GPS1: variants seen among roughly 807,000 people sequenced by gnomAD.
GPS1 encodes G protein pathway suppressor 1, also known as COP9 signalosome complex subunit 1.
In GPS1, 11 loss-of-function variants were observed where a neutral mutation model predicts 60.0. The observed-to-expected ratio is 0.18, with a 90% CI of 0.12 to 0.30. The LOEUF is 0.30. Among genes scored for constraint, GPS1 ranks in the 10% least tolerant of loss-of-function variants. The pLI is 1.00. For missense variants in GPS1, 543 were observed against 669.2 expected (o/e 0.81, Z 2.08); for synonymous variants, 343 against 269.8 (o/e 1.27, Z -2.66).
chr17:82,050,934 G>A (rs2030443490), upstream of GPS1: 10 of 1,415,486 alleles, frequency 7.1e-6, no homozygotes, highest in South Asian at 1.2e-4. Flanking sequence ...GACCCTGCTG[G>A]TGCCACCGAG....
chr17:82,054,106 T>C, intron 3 of GPS1, 57 bp downstream of exon 3: 1 of 1,520,628 alleles, frequency 6.6e-7, no homozygotes, highest in African/African-American at 1.4e-5. Context: ...CGCGGGTGTC[T>C]GGGACTGGGC....
chr17:82,052,047 G>A, intron 1 of GPS1, 83 bp downstream of exon 1: 1 of 1,042,870 alleles, frequency 9.6e-7, no homozygotes, highest in Non-Finnish European at 1.2e-6. Context: ...CAGGGGCGCG[G>A]GGCCTGCGCC....
Position 82,057,093 on chromosome 17 carries a change from C to T in GPS1, c.1430C>T (p.Ala477Val). 1 of 1,577,684 alleles carries T rather than the reference C, an allele frequency of 6.3e-7. No individual in the cohort carries two copies. Among genetic ancestry groups the T allele is most frequent in the Non-Finnish European group, 8.6e-7 (1 of 1,159,700 alleles). The change falls in exon 13 of 13, where the codon GCC (alanine) becomes GTC (valine). Residue 477 changes from alanine to valine, a missense_variant. Physicochemically the swap from Ala to Val is moderately conservative, Grantham distance 64 (BLOSUM62 0). Transcript: ENST00000578552. The part of the protein sequence containing the change: ...REGSQGELTP[A>V]NSQSRMSTNM ...GGGAGCCAGGGGGAGCTGACTCCAG[C>T]CAACAGCCAGTCCCGGATGAGCACC...
rs1288538913 is a variant in GPS1 at position 82,056,852 on chromosome 17, C to T, written c.1267C>T (p.Arg423Trp). Residue 423 changes from arginine (R) to tryptophan (W), a missense_variant, in exon 12 of 13, where the codon CGG becomes TGG. Around this residue, in one of 3 missense-constraint regions of GPS1, gnomAD observed 291 missense variants for 353.7 expected, o/e 0.82. Coordinates refer to ENST00000578552, the MANE Select transcript of GPS1 (RefSeq NM_001321092.3). ...TGTGCCTGCACAGATCCTATACGCC[C>T]GGGACGTGGATCAGCGCAGCACCAC... ...VDSHSKILYA[R>W]DVDQRSTTFE... The T allele has an allele frequency of 6.2e-7, 1 of 1,612,534 alleles. No homozygotes were observed.
chr17:82,056,603 G>A, intron 10 of GPS1, 26 bp from the exon 11 acceptor site: 1 of 1,612,330 alleles, frequency 6.2e-7, no homozygotes, highest in Non-Finnish European at 8.5e-7. Flanking sequence ...AGGGGGCTGT[G>A]GAGCTGACTT....
intron 3 of GPS1, 200 bp from the exon 4 acceptor site, chr17:82,054,310 C>A: frequency 1.2e-6 from 1 of 826,440 alleles, no homozygotes; most frequent in East Asian, 2.7e-5. Flanking sequence ...GTTTCCCCAC[C>A]CGGCTGTAGG....
At chr17:82,056,224 C>T in intron 8 of GPS1, 62 bp from the exon 9 acceptor site, 2 of 1,380,358 alleles carry the variant, frequency 1.4e-6, no homozygotes, top group Non-Finnish European at 2.1e-6. Flanking sequence ...ACTGGTGTCC[C>T]ACTGGCCACT....
rs751103779 is a variant in GPS1 at position 82,057,363 on chromosome 17, CTG to C, written c.*239_*240del. On this transcript the variant is annotated 3_prime_UTR_variant, in exon 13 of 13. Transcript: ENST00000578552. Reference sequence around the variant, plus strand: ...TGGGTTTCTGTCCCCAGGGAGCAGACTGTGCGGCACCCAGGCCCAGTGGCACC... The same window carrying C: ...TGGGTTTCTGTCCCCAGGGAGCAGACTGCGGCACCCAGGCCCAGTGGCACC... The C allele has an allele frequency of 4.7e-5, 33 of 695,274 alleles. No individual in the cohort carries two copies. The highest frequency in any genetic ancestry group is 7.3e-5 in the Non-Finnish European group (28 of 382,038). 43.1% of individuals were successfully genotyped at this position (695,274 alleles called of 1,614,324 possible). A position where few individuals can be genotyped will look rare whatever the true frequency, so the allele number is the denominator to read the frequency against.
Position 82,056,731 on chromosome 17 carries a change from G to T in GPS1, c.1219G>T (p.Gly407Trp). ...EDELTQLILEGLISARVDSHS... is the reference protein window; with the variant it reads ...EDELTQLILEWLISARVDSHS... ...CGAGCTGACGCAGCTAATCCTGGAG[G>T]GGCTGATCAGTGCCCGTGTGGACTC... The change falls in exon 11 of 13, where the codon GGG becomes TGG. Residue 407 changes from glycine (G) to tryptophan (W), a missense_variant. By Grantham distance (184) the Gly-to-Trp change is radical (BLOSUM62 -2). Coordinates refer to ENST00000578552, the MANE Select transcript of GPS1 (RefSeq NM_001321092.3). The T allele has an allele frequency of 6.3e-7, 1 of 1,587,082 alleles. No homozygotes were observed. Among genetic ancestry groups the T allele is most frequent in the African/African-American group, 1.3e-5 (1 of 74,776 alleles).
chr17:82,051,860 G>A (rs1237279394), upstream of GPS1: 6 of 1,150,408 alleles, frequency 5.2e-6, no homozygotes, highest in South Asian at 4.0e-5. This position sits in a 1 kb window ranked among gnomAD's most constrained non-coding sequence, Gnocchi z 4.1. Context: ...GCCCCGCCCC[G>A]CCCCGCGCCC....
chr17:82,055,934 C>A, intron 7 of GPS1, 67 bp from the exon 8 acceptor site: 3 of 1,439,704 alleles, frequency 2.1e-6, no homozygotes, highest in Non-Finnish European at 1.9e-6. Flanking sequence ...ATTCTCCGAG[C>A]GGGTGATGGG....
rs184414541 is a variant in GPS1, at chr17:82,057,190, C to T, written c.*63C>T. ...CCCCACCTCCACGGACCTCGGACCTCCAGGCGGCTCAGTGCTGCCTGCGGC... is the reference window on the plus strand; with the variant it reads ...CCCCACCTCCACGGACCTCGGACCTTCAGGCGGCTCAGTGCTGCCTGCGGC... On this transcript the variant is annotated 3_prime_UTR_variant, in exon 13 of 13. Coordinates refer to ENST00000578552, the MANE Select transcript of GPS1 (RefSeq NM_001321092.3). 13 of 1,578,080 alleles carry T rather than the reference C, an allele frequency of 8.2e-6. No homozygotes were observed. The African/African-American group carries it at 1.5e-4, about 18-fold the overall frequency.
Position 82,051,904 on chromosome 17 carries a change from C to G in GPS1, c.-28C>G. The G allele has an allele frequency of 2.6e-6, 3 of 1,158,536 alleles. No individual in the cohort carries two copies. The highest frequency in any genetic ancestry group is 2.1e-6 in the Non-Finnish European group (2 of 939,820). The allele number at this position is 1,158,536 out of a possible 1,614,324, so 71.8% of individuals were successfully genotyped here. A position where few individuals can be genotyped will look rare whatever the true frequency, so the allele number is the denominator to read the frequency against. ...ACGGCTTCGCTGCCCCGGAAGTGGA[C>G]GGCACGCCGCGGCGGGGTGGGTGCA... On this transcript the variant is annotated 5_prime_UTR_variant, in exon 1 of 13. Coordinates refer to ENST00000578552, the MANE Select transcript of GPS1 (RefSeq NM_001321092.3). The surrounding 1 kb of genome is among the most constrained non-coding windows in gnomAD (Gnocchi z 4.1).
intron 3 of GPS1, 42 bp from the exon 4 acceptor site, chr17:82,054,468 C>A: frequency 6.9e-7 from 1 of 1,453,040 alleles, no homozygotes; most frequent in East Asian, 2.4e-5. Flanking sequence ...CCTCCCTGGC[C>A]CCCGTGACCG....
chr17:82,051,749 C>T (rs1255891950), upstream of GPS1: 5 of 1,084,140 alleles, frequency 4.6e-6, no homozygotes, highest in Non-Finnish European at 5.6e-6. This position sits in a 1 kb window ranked among gnomAD's most constrained non-coding sequence, Gnocchi z 4.1. Flanking sequence ...GGCACAGCGC[C>T]CCACGCGCGC....
Position 82,052,976 on chromosome 17 carries a change from GGTTGT to G in GPS1, c.34-297_34-293del, listed in dbSNP as rs766808313. The G allele has an allele frequency of 9.2e-3, 2,572 of 278,380 alleles. 19 individuals are homozygous for G. Among genetic ancestry groups the G allele is most frequent in the Non-Finnish European group, 0.012 (1,832 of 148,476 alleles). 17.2% of individuals were successfully genotyped at this position (278,380 alleles called of 1,614,324 possible). The stretch of plus-strand genomic sequence containing the variant: ...GGCCCTCAGAGGCCCCTGTGTAGTT[GGTTGT>G]CCCCTGTCTGCTTTCTGGCTTTCAG... On this transcript the variant is annotated intron_variant, in intron 1 of 12. Coordinates refer to ENST00000578552, the MANE Select transcript of GPS1 (RefSeq NM_001321092.3).
intron 2 of GPS1, 134 bp downstream of exon 2, chr17:82,053,500 A>G: frequency 1.6e-6 from 1 of 636,634 alleles, no homozygotes; most frequent in African/African-American, 1.9e-5. Context: ...CTGACCCCGA[A>G]ACCATCAGCG....
rs2031538045 is a variant in GPS1, at chr17:82,053,335, A to G, written c.95A>G (p.Asp32Gly). 2 of 1,535,800 alleles carry G rather than the reference A, an allele frequency of 1.3e-6. No homozygotes were observed. Among genetic ancestry groups the G allele is most frequent in the African/African-American group, 1.4e-5 (1 of 69,672 alleles). Residue 32 changes from aspartate (D) to glycine (G), a missense_variant, in exon 2 of 13, where the codon GAC becomes GGC. This residue lies in a region of GPS1 where 181 missense variants were observed against 188.8 expected (regional missense o/e 0.96). Transcript: ENST00000578552. ...CAGGAAGACCCGCAGAATGCACCTG[A>G]CGTCAACTACGTGGTGGAGAACCCC... is the stretch of plus-strand genomic sequence containing the variant. ...DPQEDPQNAP[D>G]VNYVVENPSL...
At chr17:82,054,863 G>A (rs574941019) in intron 4 of GPS1, 35 bp from the exon 5 acceptor site, 16 of 1,568,388 alleles carry the variant, frequency 1.0e-5, no homozygotes, top group Middle Eastern at 1.7e-4. Context: ...CCATTGGGGC[G>A]CCCGGGCTCA....
Sources: allele counts gnomAD v4.1 joint callset, GRCh38; gene constraint gnomAD v4.1.1; regional missense constraint gnomAD v4.1.1; non-coding constraint Gnocchi (gnomAD v3.1); transcripts MANE v1.5; gene names NCBI Gene and HGNC (gene_info 2026-07-23, HGNC 2026-07-21).